ANGPT1: variants seen among roughly 807,000 people sequenced by gnomAD.
The protein encoded by ANGPT1 is angiopoietin-1.
Under a neutral mutation model 62.2 loss-of-function variants are expected in ANGPT1, and 17 were observed. That is an observed-to-expected ratio of 0.27 (90% CI 0.19 to 0.41). The LOEUF (loss-of-function observed/expected upper bound fraction) is 0.41. ANGPT1 is among the 10% of genes least tolerant of loss of function. ANGPT1 has a pLI of 1.00. For missense variants in ANGPT1, 478 were observed against 594.9 expected (o/e 0.80, Z 2.04); for synonymous variants, 199 against 198.9 (o/e 1.00, Z 0.00).
intron 1 of ANGPT1, among the ~76,000 whole-genome samples, chr8:107,460,389 GC>G (rs1359604060): frequency 6.6e-6 from 1 of 152,112 alleles, no homozygotes; most frequent in African/African-American, 2.4e-5. Flanking sequence ...GCAACTGGCT[GC>G]CTATTTTGAT....
rs199683569 is a variant in ANGPT1, at chr8:107,497,427, A to G, written c.132T>C (p.Thr44=). ...NRIQHGQCAY[T]FILPEHDGNC... Reference sequence around the variant, plus strand: ...TGCCATCGTGTTCTGGAAGAATGAAAGTGTAGGCACATTGCCCATGTTGAA... The same window carrying G: ...TGCCATCGTGTTCTGGAAGAATGAAGGTGTAGGCACATTGCCCATGTTGAA... Residue 44 remains threonine (T), a synonymous_variant, in exon 1 of 9, where the codon ACT becomes ACC. Coordinates refer to ENST00000517746, the MANE Select transcript of ANGPT1 (RefSeq NM_001146.5). The G allele has an allele frequency of 3.1e-6, 5 of 1,614,152 alleles. No homozygotes were observed. The highest frequency in any genetic ancestry group is 3.4e-6 in the Non-Finnish European group (4 of 1,180,022).
At chr8:107,476,286 G>A (rs1291571012) in intron 1 of ANGPT1, among the ~76,000 whole-genome samples, 2 of 152,126 alleles carry the variant, frequency 1.3e-5, no homozygotes, top group Non-Finnish European at 2.9e-5. Context: ...TCCTTTGTAA[G>A]GACATGGATG....
chr8:107,370,360 G>GAA lies in ANGPT1; in HGVS notation c.298-23265_298-23264dup, dbSNP rs1426083192. Reference sequence around the variant, plus strand: ...AAAGAAAAAGAAAGAAAGAAAGAAAGAAAGAAAGAAAGAAAGAAAGAAAGA... The same window carrying GAA: ...AAAGAAAAAGAAAGAAAGAAAGAAAGAAAAAGAAAGAAAGAAAGAAAGAAAGA... On this transcript the variant is annotated intron_variant, in intron 1 of 8. Coordinates refer to ENST00000517746, the MANE Select transcript of ANGPT1 (RefSeq NM_001146.5). 1.0e-4 allele frequency among the ~76,000 whole-genome samples: 3 copies of GAA among 30,094 alleles called. 1 individual carries two copies. The highest frequency in any genetic ancestry group is 2.4e-4 in the Non-Finnish European group (2 of 8,410). The allele number at this position is 30,094 out of a possible 152,430, so 19.7% of individuals were successfully genotyped here.
rs879320102 is a variant in ANGPT1 at position 107,260,077 on chromosome 8, C to T, written c.1336+4144G>A. Among the ~76,000 whole-genome samples, 8 of 152,154 alleles carry T rather than the reference C, an allele frequency of 5.3e-5. No individual in the cohort carries two copies. In the East Asian group the frequency reaches 1.2e-3, roughly 22 times the overall value. On this transcript the variant is annotated intron_variant, in intron 8 of 8. Transcript: ENST00000517746. ...CATTTGTTTAATAGTAATTAACCCC[C>T]TTAAACTGATAGAAGAAAGCCAAGA...
Position 107,322,335 on chromosome 8 carries a change from T to C in ANGPT1, c.576-207A>G, listed in dbSNP as rs116196437. Among the ~76,000 whole-genome samples, 940 of 152,294 alleles carry C rather than the reference T, an allele frequency of 6.2e-3. 15 individuals are homozygous for C. Among genetic ancestry groups the C allele is most frequent in the African/African-American group, 0.021 (887 of 41,578 alleles). On this transcript the variant is annotated intron_variant, in intron 3 of 8. Transcript: ENST00000517746. ...TCAAATAAAAAATAAGTAAACCAGATATTGTCAGAGTAATGTTTGCTTTTA... is the reference window on the plus strand; with the variant it reads ...TCAAATAAAAAATAAGTAAACCAGACATTGTCAGAGTAATGTTTGCTTTTA...
chr8:107,357,766 C>T (rs1267833662), intron 1 of ANGPT1, among the ~76,000 whole-genome samples: 2 of 152,126 alleles, frequency 1.3e-5, no homozygotes, highest in Non-Finnish European at 1.5e-5. Flanking sequence ...GTTTGAAAGC[C>T]TTAACAATTA....
intron 1 of ANGPT1, among the ~76,000 whole-genome samples, chr8:107,478,491 G>A (rs953932239): frequency 1.3e-5 from 2 of 152,150 alleles, no homozygotes; most frequent in South Asian, 4.1e-4. Flanking sequence ...AGAGGTTGCA[G>A]TAAACTGAGA....
At chr8:107,478,881 G>T (rs1294109971) in intron 1 of ANGPT1, among the ~76,000 whole-genome samples, 1 of 151,980 alleles carries the variant, frequency 6.6e-6, no homozygotes, top group African/African-American at 2.4e-5. Context: ...CCAGAGTTTG[G>T]TTCATACTAA....
intron 1 of ANGPT1, among the ~76,000 whole-genome samples, chr8:107,353,853 T>C (rs1165194645): frequency 3.9e-5 from 6 of 152,146 alleles, no homozygotes; most frequent in Non-Finnish European, 8.8e-5. Context: ...TGCCTCTGAC[T>C]ATGTTTCTTT....
At chr8:107,456,105 T>C (rs1811911274) in intron 1 of ANGPT1, among the ~76,000 whole-genome samples, 5 of 152,054 alleles carry the variant, frequency 3.3e-5, no homozygotes, top group Non-Finnish European at 4.4e-5. Context: ...TTCTTTCAAA[T>C]GAACAAAAAT....
Position 107,327,106 on chromosome 8 carries a change from G to T in ANGPT1, c.576-4978C>A, listed in dbSNP as rs974148765. ...ATTTGAACCTGTTTATCTTTCCCAC[G>T]TATAAAAACAGAATTACTTTGTCAA... On this transcript the variant is annotated intron_variant, in intron 3 of 8. Transcript: ENST00000517746. Among the ~76,000 whole-genome samples the T allele has an allele frequency of 2.6e-5, 4 of 151,944 alleles. No homozygotes were observed. The East Asian group carries it at 5.8e-4, about 22-fold the overall frequency.
intron 5 of ANGPT1, among the ~76,000 whole-genome samples, chr8:107,299,141 T>C (rs1814491621): frequency 6.6e-6 from 1 of 151,340 alleles, no homozygotes; most frequent in Admixed American, 6.6e-5. Context: ...ACACCATGTG[T>C]TTACCACCCC....
intron 7 of ANGPT1, among the ~76,000 whole-genome samples, chr8:107,271,580 A>G (rs548139921): frequency 6.6e-6 from 1 of 152,086 alleles, no homozygotes; most frequent in South Asian, 2.1e-4. Flanking sequence ...TTAAAGATGA[A>G]AAGGATCAAT....
At chr8:107,281,638 C>T (rs1814007021) in intron 7 of ANGPT1, among the ~76,000 whole-genome samples, 2 of 152,014 alleles carry the variant, frequency 1.3e-5, no homozygotes, top group Admixed American at 6.6e-5. Flanking sequence ...ATTAGCCAGG[C>T]ATGGTGGCAG....
intron 1 of ANGPT1, among the ~76,000 whole-genome samples, chr8:107,474,696 G>A (rs999798445): frequency 1.3e-5 from 2 of 152,156 alleles, no homozygotes; most frequent in African/African-American, 4.8e-5. Context: ...CATTGTCTCA[G>A]CCCAAAATCT....
chr8:107,385,596 T>G (rs1225262631), intron 1 of ANGPT1, among the ~76,000 whole-genome samples: 1 of 152,138 alleles, frequency 6.6e-6, no homozygotes, highest in East Asian at 1.9e-4. Context: ...TTTAACTTCC[T>G]TTCTTCCTGT....
At chr8:107,468,707 C>T (rs1237844867) in intron 1 of ANGPT1, among the ~76,000 whole-genome samples, 1 of 152,014 alleles carries the variant, frequency 6.6e-6, no homozygotes, top group Admixed American at 6.6e-5. Flanking sequence ...CCCTCTTGAA[C>T]ATGCATCTCT....
At chr8:107,492,079 T>C (rs1347920239) in intron 1 of ANGPT1, among the ~76,000 whole-genome samples, 6 of 152,180 alleles carry the variant, frequency 3.9e-5, no homozygotes, top group African/African-American at 1.4e-4. Context: ...TTCTAAAATG[T>C]AACAAGCAAC....
intron 1 of ANGPT1, among the ~76,000 whole-genome samples, chr8:107,413,749 G>A (rs1810654342): frequency 6.6e-6 from 1 of 151,156 alleles, no homozygotes. Flanking sequence ...ATTCATGATG[G>A]AAAAATATCA....
Sources: gnomAD v4.1 joint callset for allele counts (sites outside exome capture counted in the v4.1 genomes callset) on GRCh38, gnomAD v4.1.1 for gene constraint, MANE v1.5 for transcripts, NCBI Gene and HGNC (gene_info 2026-07-23, HGNC 2026-07-21) for gene names.